EXD3: variants seen among roughly 807,000 people sequenced by gnomAD.
EXD3 encodes the protein exonuclease 3'-5' domain containing 3.
A neutral mutation model predicts 98.0 loss-of-function variants in EXD3; 92 were observed. That is an observed-to-expected ratio of 0.94 (90% CI 0.79 to 1.12). EXD3 has a LOEUF of 1.12. EXD3 is among the 50% of genes most tolerant of loss of function. EXD3 has a pLI of 0.00. For missense variants in EXD3, 1,222 were observed against 1,191.6 expected (o/e 1.03, Z -0.38); for synonymous variants, 569 against 526.0 (o/e 1.08, Z -1.12).
chr9:137,392,909 T>C, intron 2 of EXD3: 1 of 524,584 alleles, frequency 1.9e-6, no homozygotes, highest in East Asian at 3.5e-5. Context: ...ACCATGTCTG[T>C]TCTGGCGGGG....
intron 19 of EXD3, among the ~76,000 whole-genome samples, chr9:137,314,653 C>T (rs937886186): frequency 6.6e-6 from 1 of 152,116 alleles, no homozygotes; most frequent in Non-Finnish European, 1.5e-5. Flanking sequence ...CCACGAACCC[C>T]AGCCCCTCCC....
At chr9:137,382,530 CAG>C (rs1836368311) in intron 3 of EXD3, among the ~76,000 whole-genome samples, 1 of 152,168 alleles carries the variant, frequency 6.6e-6, no homozygotes, top group Admixed American at 6.5e-5. Flanking sequence ...AAAGCAAGGA[CAG>C]AGATTCACAA....
intron 9 of EXD3, 76 bp from the exon 10 acceptor site, chr9:137,354,453 C>A: frequency 6.3e-7 from 1 of 1,598,110 alleles, no homozygotes; most frequent in Non-Finnish European, 8.5e-7. Context: ...GAGTTTTCCT[C>A]GACCCCTGGC....
At chr9:137,365,488 T>TCA (rs1033290489) in intron 7 of EXD3, 6 of 154,696 alleles carry the variant, frequency 3.9e-5, no homozygotes, top group Admixed American at 6.4e-5. Context: ...CCCTCATATC[T>TCA]CACACACACA....
At chr9:137,414,882 G>A (rs1838164206) in intron 1 of EXD3, among the ~76,000 whole-genome samples, 2 of 152,146 alleles carry the variant, frequency 1.3e-5, no homozygotes, top group African/African-American at 4.8e-5. Context: ...TTTTGAGATG[G>A]AGTCTCGCTC....
chr9:137,351,552 T>C, intron 12 of EXD3, 24 bp from the exon 13 acceptor site: 1 of 1,560,402 alleles, frequency 6.4e-7, no homozygotes, highest in Non-Finnish European at 8.7e-7. Flanking sequence ...GGGGCAGATG[T>C]GATCATCAGG....
chr9:137,373,859 C>T (rs1282309215), intron 3 of EXD3, among the ~76,000 whole-genome samples: 4 of 152,246 alleles, frequency 2.6e-5, no homozygotes, highest in African/African-American at 7.2e-5. Context: ...GACAGAGGGC[C>T]GCTGGCCTGG....
At chr9:137,384,241 A>ATCAGACC (rs1327122298) in intron 2 of EXD3, among the ~76,000 whole-genome samples, 2 of 152,206 alleles carry the variant, frequency 1.3e-5, no homozygotes, top group Non-Finnish European at 2.9e-5. Flanking sequence ...ATGAGATCAG[A>ATCAGACC]TCAGACCTCA....
intron 3 of EXD3, among the ~76,000 whole-genome samples, chr9:137,378,910 G>A (rs1367214820): frequency 6.7e-6 from 1 of 149,354 alleles, no homozygotes; most frequent in Non-Finnish European, 1.5e-5. Context: ...CTGGGGCCGA[G>A]GGGAATGGGG....
chr9:137,397,479 A>G (rs926404686), intron 1 of EXD3, among the ~76,000 whole-genome samples: 1 of 152,344 alleles, frequency 6.6e-6, no homozygotes, highest in Admixed American at 6.5e-5. Context: ...CACAATGGAT[A>G]ATTCACGAAA....
intron 17 of EXD3, among the ~76,000 whole-genome samples, chr9:137,331,987 A>AACACAC (rs373326740): frequency 6.6e-6 from 1 of 151,270 alleles, no homozygotes; most frequent in Non-Finnish European, 1.5e-5. Context: ...GCGCAACGAC[A>AACACAC]ACACACACAC....
intron 1 of EXD3, among the ~76,000 whole-genome samples, chr9:137,398,185 C>G (rs1588422009): frequency 6.6e-6 from 1 of 152,320 alleles, no homozygotes; most frequent in East Asian, 1.9e-4. Flanking sequence ...GGGGGAAAGA[C>G]AGAAGGAACT....
At chr9:137,309,055 C>T (rs987249599) in intron 20 of EXD3, among the ~76,000 whole-genome samples, 5 of 152,108 alleles carry the variant, frequency 3.3e-5, no homozygotes, top group African/African-American at 9.7e-5. Context: ...GCCTCCCTCC[C>T]GAGGGTAGGG....
chr9:137,312,446 G>A (rs1588217984), intron 19 of EXD3, among the ~76,000 whole-genome samples: 1 of 152,214 alleles, frequency 6.6e-6, no homozygotes, highest in African/African-American at 2.4e-5. Flanking sequence ...ACTTCCGCCC[G>A]GGACTGTGCG....
rs1050477985 is a variant in EXD3, at chr9:137,324,984, G to A, written c.1999-841C>T. The stretch of plus-strand genomic sequence containing the variant: ...TGGGATTACAGGTGTGAGTCACCGC[G>A]CCTGGCCAAAATTAAGCATATTAAG... On this transcript the variant is annotated intron_variant, in intron 17 of 21. Coordinates refer to ENST00000340951, the MANE Select transcript of EXD3 (RefSeq NM_017820.5). This position sits in a 1 kb window ranked among gnomAD's most constrained non-coding sequence, Gnocchi z 4.1. Among the ~76,000 whole-genome samples, 1 of 152,034 alleles carries A rather than the reference G, an allele frequency of 6.6e-6. No individual in the cohort carries two copies. Among genetic ancestry groups the A allele is most frequent in the Non-Finnish European group, 1.5e-5 (1 of 68,010 alleles).
chr9:137,334,244 C>A (rs1034157869), intron 17 of EXD3, among the ~76,000 whole-genome samples: 1 of 152,134 alleles, frequency 6.6e-6, no homozygotes, highest in Non-Finnish European at 1.5e-5. Context: ...TCAGGTAATC[C>A]GCCCACCTCT....
At position 137,373,595 on chromosome 9, in the gene EXD3, C is replaced by G; in HGVS notation, c.125G>C (p.Arg42Pro). ...LWSTRERKQL[R>P]EEAWRGFAAL... ...AGCAAACCCCCGCCAGGCTTCCTCCCGGAGCTGTGGAGACACAAAACCACA... is the reference window on the plus strand; with the variant it reads ...AGCAAACCCCCGCCAGGCTTCCTCCGGGAGCTGTGGAGACACAAAACCACA... Residue 42 changes from arginine (R) to proline (P), a missense_variant, in exon 4 of 22, where the codon CGG (arginine) becomes CCG (proline). Physicochemically the swap from Arg to Pro is moderately radical, Grantham distance 103. Coordinates refer to ENST00000340951, the MANE Select transcript of EXD3 (RefSeq NM_017820.5). 1 of 1,598,502 alleles carries G rather than the reference C, an allele frequency of 6.3e-7. No individual in the cohort carries two copies. The highest frequency in any genetic ancestry group is 8.5e-7 in the Non-Finnish European group (1 of 1,173,260).
intron 1 of EXD3, among the ~76,000 whole-genome samples, chr9:137,408,352 TC>T (rs1216064182): frequency 9.9e-5 from 15 of 151,568 alleles, no homozygotes; most frequent in African/African-American, 3.4e-4. Context: ...ATCGAGACCA[TC>T]CTGGTTAACA....
Position 137,330,179 on chromosome 9 carries a change from GGGACTACACA to G in EXD3, c.1999-6046_1999-6037del, listed in dbSNP as rs1229291375. ...ACACAGGACTACACCGGAGCTACAC[GGGACTACACA>G]GGACTACACAGGACTACACAGGAGC... On this transcript the variant is annotated intron_variant, in intron 17 of 21. Transcript: ENST00000340951. 4.9e-3 allele frequency among the ~76,000 whole-genome samples: 646 copies of G among 131,100 alleles called. 13 individuals are homozygous for G. Among genetic ancestry groups the G allele is most frequent in the Non-Finnish European group, 8.1e-3 (508 of 62,516 alleles). 86.0% of individuals were successfully genotyped at this position (131,100 alleles called of 152,430 possible). A position where few individuals can be genotyped will look rare whatever the true frequency, so the allele number is the denominator to read the frequency against.
Sources: gnomAD v4.1 joint callset for allele counts (sites outside exome capture counted in the v4.1 genomes callset) on GRCh38, gnomAD v4.1.1 for gene constraint, Gnocchi (gnomAD v3.1) non-coding constraint, MANE v1.5 for transcripts, NCBI Gene and HGNC (gene_info 2026-07-23, HGNC 2026-07-21) for gene names.